The following CDH26 variants were observed in gnomAD, a reference collection of about 807,000 sequenced individuals.
The protein encoded by CDH26 is cadherin 26.
Under a neutral mutation model 90.3 loss-of-function variants are expected in CDH26, and 83 were observed. The ratio of observed to expected loss-of-function variants is 0.92; its 90% CI spans 0.77 to 1.10. The LOEUF (loss-of-function observed/expected upper bound fraction) is 1.10. CDH26 is among the 50% of genes least tolerant of loss of function. The pLI is 0.00. For synonymous variants in CDH26, 397 were observed against 396.3 expected, an observed-to-expected ratio of 1.00 and a Z score of -0.02; for missense variants, 1,013 against 1,037.6, an observed-to-expected ratio of 0.98 and a Z score of 0.33.
chr20:59,987,261 C>G (rs1488873965), intron 7 of CDH26, among the ~76,000 whole-genome samples, 192 bp from the exon 8 acceptor site: 1 of 152,174 alleles, frequency 6.6e-6, no homozygotes, highest in Non-Finnish European at 1.5e-5. Context: ...TCTGCTGTAA[C>G]AGACGGAGTT....
Position 59,968,008 on chromosome 20 carries a change from TTTCTTCC to T in CDH26, c.70-956_70-950del, listed in dbSNP as rs1209843704. On this transcript the variant is annotated intron_variant, in intron 1 of 17. Transcript: ENST00000348616. ...CTTTCTTTCTTTCTTTCTTTCTTTC[TTTCTTCC>T]TTTCTCTCTGTCTCTCTCTCTCTCT... Among the ~76,000 whole-genome samples the T allele has an allele frequency of 2.2e-5, 3 of 133,402 alleles. 1 individual carries two copies. Among genetic ancestry groups the T allele is most frequent in the African/African-American group, 6.2e-5 (2 of 32,346 alleles). 87.5% of individuals were successfully genotyped at this position (133,402 alleles called of 152,430 possible).
In CDH26 at chr20:59,970,292, G is replaced by A. The variant is rs2061241297; in HGVS notation, c.231+106G>A. The A allele has an allele frequency of 8.2e-6, 12 of 1,461,452 alleles. No homozygotes were observed. The South Asian group carries it at 1.4e-4, about 17-fold the overall frequency. 90.5% of individuals were successfully genotyped at this position (1,461,452 alleles called of 1,614,324 possible). ...GAAAGGTTATGTGCTAGTGAGGCCA[G>A]GGAGTGAAGTAGAGCAGAAGGAGCA... On this transcript the variant is annotated intron_variant, in intron 3 of 17. Transcript: ENST00000348616.
At chr20:60,015,884 T>C (rs1244504852), downstream of CDH26, among the ~76,000 whole-genome samples, 1 of 152,232 alleles carries the variant, frequency 6.6e-6, no homozygotes, top group African/African-American at 2.4e-5. Context: ...AAAGACTATC[T>C]TTTCCTCAAT....
chr20:59,962,001 G>T (rs1044244463), intron 1 of CDH26, among the ~76,000 whole-genome samples: 4 of 152,200 alleles, frequency 2.6e-5, no homozygotes, highest in African/African-American at 9.7e-5. Flanking sequence ...TTAATAAATT[G>T]TTAGCATTTA....
intron 9 of CDH26, among the ~76,000 whole-genome samples, 167 bp downstream of exon 9, chr20:59,989,330 C>A (rs2061498818): frequency 6.6e-6 from 1 of 151,748 alleles, no homozygotes; most frequent in Non-Finnish European, 1.5e-5. Flanking sequence ...AGATCGAGAC[C>A]ATCCTGGCTA....
chr20:59,968,793 A>G (rs2061211079), intron 1 of CDH26, among the ~76,000 whole-genome samples, 174 bp from the exon 2 acceptor site: 1 of 152,194 alleles, frequency 6.6e-6, no homozygotes, highest in African/African-American at 2.4e-5. Flanking sequence ...GTTAGAGAAG[A>G]TAAGTGGCAA....
chr20:60,012,563 G>T lies in CDH26; in HGVS notation c.2332G>T (p.Gly778Cys), dbSNP rs200967688. 6.2e-7 allele frequency: 1 copy of T among 1,613,848 alleles called. No individual in the cohort carries two copies. Among genetic ancestry groups the T allele is most frequent in the Non-Finnish European group, 8.5e-7 (1 of 1,179,944 alleles). Residue 778 changes from glycine (G) to cysteine (C), a missense_variant, in exon 18 of 18, where the codon GGC becomes TGC. Physicochemically the swap from Gly to Cys is radical, Grantham distance 159 (BLOSUM62 -3). Transcript: ENST00000348616. ...TGCCAATGTGCTGGAAGATGACCCC[G>T]GCTACCTACCTCACGTCTACAGCGA... The part of the protein sequence containing the change: ...HVANVLEDDP[G>C]YLPHVYSEEG...
intron 7 of CDH26, among the ~76,000 whole-genome samples, chr20:60,028,557 A>G (rs1182943367): frequency 6.6e-6 from 1 of 152,220 alleles, no homozygotes; most frequent in Non-Finnish European, 1.5e-5. Context: ...GAGATGATTC[A>G]AAACGCTGAG....
chr20:60,032,157 G>T (rs2062044552), intron 8 of CDH26, among the ~76,000 whole-genome samples: 1 of 152,206 alleles, frequency 6.6e-6, no homozygotes, highest in South Asian at 2.1e-4. Context: ...CTGTGTATCA[G>T]TCGGAGAAAT....
downstream of CDH26, among the ~76,000 whole-genome samples, chr20:60,035,735 C>T (rs1433550280): frequency 6.6e-6 from 1 of 152,062 alleles, no homozygotes; most frequent in African/African-American, 2.4e-5. Flanking sequence ...CCATGCTGTT[C>T]TTATGATAAT....
intron 13 of CDH26, among the ~76,000 whole-genome samples, chr20:59,997,337 C>T (rs1351283691): frequency 6.6e-6 from 1 of 152,272 alleles, no homozygotes; most frequent in Admixed American, 6.5e-5. Context: ...CTTGGAGGTA[C>T]AAGGCCTAGG....
At chr20:60,011,017 G>A (rs1163838681) in intron 17 of CDH26, among the ~76,000 whole-genome samples, 1 of 152,228 alleles carries the variant, frequency 6.6e-6, no homozygotes, top group Non-Finnish European at 1.5e-5. Flanking sequence ...TAGCAGAGAG[G>A]CAGGAAATGT....
chr20:59,959,561 G>T (rs545006014), intron 1 of CDH26, among the ~76,000 whole-genome samples: 11 of 151,640 alleles, frequency 7.3e-5, no homozygotes, highest in Non-Finnish European at 1.5e-4. Context: ...CACCATGCCC[G>T]GCTAGTTTTT....
rs61742788 is a variant in CDH26 at position 60,031,260 on chromosome 20, C to G, written c.978C>G (p.Ser326Arg). 1.3e-3 allele frequency: 1,652 copies of G among 1,245,276 alleles called. 7 individuals are homozygous for G. The African/African-American group carries it at 0.021, about 16-fold the overall frequency. 77.1% of individuals were successfully genotyped at this position (1,245,276 alleles called of 1,614,324 possible). A position where few individuals can be genotyped will look rare whatever the true frequency, so the allele number is the denominator to read the frequency against. The change falls in exon 8 of 9, where the codon AGC (serine) becomes AGG (arginine). Residue 326 changes from serine to arginine, a missense_variant. Ser to Arg is a moderately radical substitution (Grantham distance 110, BLOSUM62 -1). Transcript: ENST00000370991. ...AAGAGAGAAATCGCTTCAGCCTCAG[C>G]AGGGGCTGCATCATCCCCCAGGGAA...
intron 4 of CDH26, among the ~76,000 whole-genome samples, chr20:59,981,711 G>A (rs989603135): frequency 6.6e-6 from 1 of 152,052 alleles, no homozygotes. Context: ...GAGAGATATT[G>A]TTCTGTAGTT....
intron 1 of CDH26, among the ~76,000 whole-genome samples, chr20:59,965,814 A>G (rs1162058096): frequency 1.3e-5 from 2 of 152,092 alleles, no homozygotes; most frequent in Non-Finnish European, 2.9e-5. Context: ...AATTTTCCCT[A>G]CTCCGTTCCA....
At position 59,987,600 on chromosome 20, in the gene CDH26, G is replaced by T; in HGVS notation, c.985G>T (p.Asp329Tyr). The T allele has an allele frequency of 6.2e-7, 1 of 1,613,460 alleles. No individual in the cohort carries two copies. The highest frequency in any genetic ancestry group is 1.1e-5 in the South Asian group (1 of 90,898). ...NEEGHFDIST[D>Y]PETNEGILNV... ...AGAGGGGCATTTTGACATTTCGACTGACCCTGAGACCAACGAAGGGATATT... is the reference window on the plus strand; with the variant it reads ...AGAGGGGCATTTTGACATTTCGACTTACCCTGAGACCAACGAAGGGATATT... Residue 329 changes from aspartate (D) to tyrosine (Y), a missense_variant, in exon 8 of 18, where the codon GAC becomes TAC. Asp to Tyr is a radical substitution (Grantham distance 160). Coordinates refer to ENST00000348616, the MANE Select transcript of CDH26 (RefSeq NM_177980.4).
chr20:59,992,309 A>G lies in CDH26; in HGVS notation c.1284-69A>G. The stretch of plus-strand genomic sequence containing the variant: ...TTTCTATGACATATTTTGTTTTTTT[A>G]TGCAACTTTTTTATCTTTTAATGTA... On this transcript the variant is annotated intron_variant, in intron 9 of 17. Coordinates refer to ENST00000348616, the MANE Select transcript of CDH26 (RefSeq NM_177980.4). This position sits in a 1 kb window ranked among gnomAD's most constrained non-coding sequence, Gnocchi z 5.0. The G allele has an allele frequency of 6.7e-7, 1 of 1,491,184 alleles. No individual in the cohort carries two copies. Among genetic ancestry groups the G allele is most frequent in the Non-Finnish European group, 9.1e-7 (1 of 1,104,574 alleles). The allele number at this position is 1,491,184 out of a possible 1,614,324, so 92.4% of individuals were successfully genotyped here.
chr20:60,019,989 C>G (rs2061939415), intron 7 of CDH26, among the ~76,000 whole-genome samples: 1 of 152,172 alleles, frequency 6.6e-6, no homozygotes, highest in African/African-American at 2.4e-5. Context: ...TGATGTTTGT[C>G]TCAGTGGCCT....
Sources: allele counts gnomAD v4.1 joint callset (sites outside exome capture counted in the v4.1 genomes callset), GRCh38; gene constraint gnomAD v4.1.1; non-coding constraint Gnocchi (gnomAD v3.1); transcripts MANE v1.5; gene names NCBI Gene and HGNC (gene_info 2026-07-23, HGNC 2026-07-21).